The following FSTL4 variants were observed in gnomAD, a reference collection of about 807,000 sequenced individuals.
The protein encoded by FSTL4 is follistatin-related protein 4.
Under a neutral mutation model 78.2 loss-of-function variants are expected in FSTL4, and 28 were observed. That is an observed-to-expected ratio of 0.36 (90% CI 0.27 to 0.49). The LOEUF is 0.49. FSTL4 is among the 20% of genes least tolerant of loss of function. FSTL4 has a pLI of 0.98. For missense variants in FSTL4, 922 were observed against 1,084.9 expected (o/e 0.85, Z 2.11); for synonymous variants, 422 against 440.5 (o/e 0.96, Z 0.53).
At chr5:133,562,469 G>C (rs1469787428) in intron 3 of FSTL4, among the ~76,000 whole-genome samples, 1 of 152,106 alleles carries the variant, frequency 6.6e-6, no homozygotes, top group Non-Finnish European at 1.5e-5. Context: ...TCACACTCGG[G>C]ACTGGCAGGT....
intron 7 of FSTL4, among the ~76,000 whole-genome samples, chr5:133,240,378 TGCAACTTGGA>T (rs1239873191): frequency 6.6e-6 from 1 of 152,216 alleles, no homozygotes; most frequent in Non-Finnish European, 1.5e-5. Flanking sequence ...AAGAAGTCTC[TGCAACTTGGA>T]GCAATCTCTA....
At chr5:133,776,632 T>C in the FSTL4 span, among the ~76,000 whole-genome samples, 4 of 152,166 alleles carry the variant, frequency 2.6e-5, no homozygotes, top group African/African-American at 9.7e-5. Context: ...AGAGGAAGGA[T>C]AGGTACAGCT....
At chr5:133,367,453 G>C (rs1457914555) in intron 4 of FSTL4, among the ~76,000 whole-genome samples, 2 of 152,218 alleles carry the variant, frequency 1.3e-5, no homozygotes, top group African/African-American at 4.8e-5. Context: ...AAGTTTTCTA[G>C]GAATCCAACC....
chr5:133,769,734 A>C, the FSTL4 span, among the ~76,000 whole-genome samples: 3 of 152,300 alleles, frequency 2.0e-5, no homozygotes, highest in Non-Finnish European at 4.4e-5. Context: ...TAGGAGGTAC[A>C]AGTACAGATT....
At chr5:133,273,440 C>T (rs562465785) in intron 6 of FSTL4, among the ~76,000 whole-genome samples, 6 of 152,338 alleles carry the variant, frequency 3.9e-5, no homozygotes, top group African/African-American at 1.4e-4. Context: ...CTAGAGTCCT[C>T]CAGCCTGGGG....
At chr5:133,294,675 G>C (rs950763864) in intron 6 of FSTL4, among the ~76,000 whole-genome samples, 1 of 152,056 alleles carries the variant, frequency 6.6e-6, no homozygotes, top group Non-Finnish European at 1.5e-5. Context: ...ACAAATTATA[G>C]CAGCCTGAAA....
chr5:133,448,689 A>AGCTC (rs1757315773), intron 3 of FSTL4, among the ~76,000 whole-genome samples: 1 of 125,990 alleles, frequency 7.9e-6, no homozygotes, highest in Non-Finnish European at 1.6e-5. Flanking sequence ...GGTCGCTGAC[A>AGCTC]GCTCCCAAGG....
At chr5:133,429,121 T>C (rs950073710) in intron 3 of FSTL4, among the ~76,000 whole-genome samples, 2 of 152,180 alleles carry the variant, frequency 1.3e-5, no homozygotes. Flanking sequence ...GGCCCTAACC[T>C]GGGTCCCAGA....
At chr5:133,322,262 C>T (rs58371570) in intron 4 of FSTL4, among the ~76,000 whole-genome samples, 2 of 46,382 alleles carry the variant, frequency 4.3e-5, no homozygotes, top group African/African-American at 1.2e-4. Context: ...CCCACACCCA[C>T]CCACACCCAC....
chr5:133,687,198 C>A, the FSTL4 span, among the ~76,000 whole-genome samples: 1 of 142,128 alleles, frequency 7.0e-6, no homozygotes, highest in South Asian at 2.3e-4. Flanking sequence ...CAGGGAGCCA[C>A]TGAGAGGCTA....
chr5:133,671,360 T>A, the FSTL4 span, among the ~76,000 whole-genome samples: 1 of 152,220 alleles, frequency 6.6e-6, no homozygotes, highest in Admixed American at 6.5e-5. Context: ...CAGATACACA[T>A]GCACCATCTC....
intron 3 of FSTL4, among the ~76,000 whole-genome samples, chr5:133,480,010 G>A (rs567129780): frequency 1.1e-4 from 16 of 152,088 alleles, no homozygotes; most frequent in South Asian, 2.1e-4. Context: ...TAGAAAAGAC[G>A]GGGACACTCT....
At chr5:133,565,205 T>C (rs1020139544) in intron 3 of FSTL4, among the ~76,000 whole-genome samples, 1 of 152,214 alleles carries the variant, frequency 6.6e-6, no homozygotes, top group Non-Finnish European at 1.5e-5. Flanking sequence ...AACCCAGGTG[T>C]TCATTGCTAG....
the FSTL4 span, among the ~76,000 whole-genome samples, chr5:133,648,791 A>G: frequency 2.8e-4 from 42 of 152,240 alleles, 1 homozygote; most frequent in South Asian, 8.1e-3. Flanking sequence ...CACCTCCCAC[A>G]TGCATAACCT....
intron 3 of FSTL4, among the ~76,000 whole-genome samples, chr5:133,474,599 T>C (rs1169258198): frequency 1.3e-5 from 2 of 152,196 alleles, no homozygotes; most frequent in Non-Finnish European, 2.9e-5. Flanking sequence ...CACTGCAACA[T>C]TAAGCAGCTA....
chr5:133,798,519 T>TAA, the FSTL4 span, among the ~76,000 whole-genome samples: 20 of 145,322 alleles, frequency 1.4e-4, no homozygotes, highest in Admixed American at 6.8e-4. Context: ...AAAAAAAACT[T>TAA]AAAAAAAAAA....
intron 3 of FSTL4, among the ~76,000 whole-genome samples, chr5:133,555,286 CT>C (rs1299847710): frequency 1.3e-5 from 2 of 152,216 alleles, no homozygotes; most frequent in Non-Finnish European, 2.9e-5. Flanking sequence ...ACTGAAAATT[CT>C]GTGTTTTCCC....
At chr5:133,251,996 C>G (rs1049295905) in intron 6 of FSTL4, 19 of 152,374 alleles carry the variant, frequency 1.2e-4, no homozygotes, top group African/African-American at 3.6e-4. Context: ...AGTCCCTTGC[C>G]GTGGGAAGTG....
In FSTL4 at chr5:133,385,258, T is replaced by G. The variant is rs1452732836; in HGVS notation, c.409+15480A>C. On this transcript the variant is annotated intron_variant, in intron 4 of 15. Transcript: ENST00000265342. ...CCTGCCAAGGTATGAATGGCCCAGATGCAAGAATCACAGATCTTTCTATGA... is the reference window on the plus strand; with the variant it reads ...CCTGCCAAGGTATGAATGGCCCAGAGGCAAGAATCACAGATCTTTCTATGA... 3.9e-5 allele frequency among the ~76,000 whole-genome samples: 6 copies of G among 152,238 alleles called. No individual in the cohort carries two copies. In the South Asian group the frequency reaches 1.0e-3, roughly 26 times the overall value.
Sources: gnomAD v4.1 joint callset for allele counts (sites outside exome capture counted in the v4.1 genomes callset) on GRCh38, gnomAD v4.1.1 for gene constraint, MANE v1.5 for transcripts, NCBI Gene and HGNC (gene_info 2026-07-23, HGNC 2026-07-21) for gene names.